Variants in NKAIN2 observed in about 807,000 individuals in gnomAD.
NKAIN2 encodes sodium/potassium-transporting ATPase subunit beta-1-interacting protein 2.
A neutral mutation model predicts 32.6 loss-of-function variants in NKAIN2; 14 were observed. The ratio of observed to expected loss-of-function variants is 0.43; its 90% CI spans 0.28 to 0.67. The LOEUF is 0.67. Ranked by LOEUF, NKAIN2 falls within the 30% of genes least tolerant of loss-of-function variation. The pLI is 0.17. For synonymous variants in NKAIN2, 80 were observed against 87.2 expected, an observed-to-expected ratio of 0.92 and a Z score of 0.46; for missense variants, 198 against 258.3, an observed-to-expected ratio of 0.77 and a Z score of 1.60.
intron 3 of NKAIN2, among the ~76,000 whole-genome samples, chr6:124,484,638 A>T (rs914298614): frequency 6.6e-6 from 1 of 152,202 alleles, no homozygotes; most frequent in Non-Finnish European, 1.5e-5. Context: ...TAAAACCACC[A>T]AGGCAAGATA....
intron 4 of NKAIN2, among the ~76,000 whole-genome samples, chr6:124,694,694 A>G (rs1371563087): frequency 1.3e-5 from 2 of 152,202 alleles, no homozygotes; most frequent in Non-Finnish European, 2.9e-5. Context: ...CACACATTCA[A>G]TGCCATATGG....
chr6:124,445,940 G>A (rs562688578), intron 3 of NKAIN2, among the ~76,000 whole-genome samples: 1 of 152,108 alleles, frequency 6.6e-6, no homozygotes, highest in East Asian at 1.9e-4. Context: ...GTTTTGTAAA[G>A]TTCATCAAAA....
chr6:123,877,714 G>A (rs1773231584), intron 1 of NKAIN2, among the ~76,000 whole-genome samples: 1 of 152,148 alleles, frequency 6.6e-6, no homozygotes, highest in Non-Finnish European at 1.5e-5. Flanking sequence ...AAATGTTGAT[G>A]TTGGGAGTGG....
At chr6:123,899,743 G>C (rs1490847153) in intron 1 of NKAIN2, among the ~76,000 whole-genome samples, 1 of 152,176 alleles carries the variant, frequency 6.6e-6, no homozygotes, top group Non-Finnish European at 1.5e-5. Flanking sequence ...GTCTAGGAGA[G>C]GTGGGGATTG....
At chr6:124,775,369 C>T (rs1327707729) in intron 4 of NKAIN2, among the ~76,000 whole-genome samples, 2 of 152,138 alleles carry the variant, frequency 1.3e-5, no homozygotes, top group African/African-American at 2.4e-5. Context: ...CTCAAAGGAA[C>T]TTCTGTTCGT....
chr6:124,547,580 T>A (rs1208788036), intron 3 of NKAIN2, among the ~76,000 whole-genome samples: 1 of 152,228 alleles, frequency 6.6e-6, no homozygotes, highest in Non-Finnish European at 1.5e-5. Context: ...TTGGAACAGC[T>A]GGAGCCTAAA....
chr6:124,394,570 A>G (rs1773292729), intron 3 of NKAIN2, among the ~76,000 whole-genome samples: 1 of 151,738 alleles, frequency 6.6e-6, no homozygotes, highest in South Asian at 2.1e-4. Context: ...TCATGTAATT[A>G]TAGAGGATAG....
chr6:123,856,066 A>G (rs1775543536), intron 1 of NKAIN2, among the ~76,000 whole-genome samples: 1 of 152,224 alleles, frequency 6.6e-6, no homozygotes, highest in African/African-American at 2.4e-5. Context: ...TGTTGCCTAT[A>G]TCCTTGATTT....
chr6:124,773,040 A>T (rs12216414), intron 4 of NKAIN2, among the ~76,000 whole-genome samples: 3,378 of 152,282 alleles, frequency 0.022, 47 homozygotes, highest in Middle Eastern at 0.037. Flanking sequence ...GACTATTGTT[A>T]CTAAGGCTGA....
intron 4 of NKAIN2, among the ~76,000 whole-genome samples, chr6:124,724,577 G>A (rs1046274025): frequency 6.6e-6 from 1 of 152,134 alleles, no homozygotes; most frequent in Non-Finnish European, 1.5e-5. Flanking sequence ...TCACTATAGT[G>A]TAAAGGAGTA....
chr6:123,845,519 A>G (rs913380986), intron 1 of NKAIN2, among the ~76,000 whole-genome samples: 18 of 152,162 alleles, frequency 1.2e-4, no homozygotes, highest in African/African-American at 4.3e-4. Context: ...CACCTTTCTG[A>G]TTTTTATTAT....
intron 3 of NKAIN2, among the ~76,000 whole-genome samples, chr6:124,369,972 G>A (rs1033077710): frequency 2.9e-5 from 4 of 137,086 alleles, no homozygotes; most frequent in Non-Finnish European, 6.1e-5. Context: ...TACAACTCAA[G>A]GGATATTAAA....
chr6:123,810,785 A>G (rs1453561602), intron 1 of NKAIN2, among the ~76,000 whole-genome samples: 2 of 152,154 alleles, frequency 1.3e-5, no homozygotes, highest in Non-Finnish European at 2.9e-5. Context: ...ATTCATCCAG[A>G]CCACCATTGA....
chr6:123,938,467 C>T (rs1309308128), intron 1 of NKAIN2, among the ~76,000 whole-genome samples: 5 of 115,980 alleles, frequency 4.3e-5, no homozygotes, highest in Admixed American at 1.9e-4. Context: ...CACACACACA[C>T]GCATATTATA....
rs1775350078 is a variant in NKAIN2, at chr6:124,434,418, T to C, written c.273+79071T>C. Among the ~76,000 whole-genome samples, 3 of 152,154 alleles carry C rather than the reference T, an allele frequency of 2.0e-5. No individual in the cohort carries two copies. In the South Asian group the frequency reaches 6.2e-4, roughly 31 times the overall value. ...GAAGTTTAGTATTTAGTATTTATGT[T>C]GTATTCAAAATCATCTGTAGATGAT... On this transcript the variant is annotated intron_variant, in intron 3 of 6. Coordinates refer to ENST00000368417, the MANE Select transcript of NKAIN2 (RefSeq NM_001040214.3).
chr6:124,091,793 A>G (rs1784435176), intron 1 of NKAIN2, among the ~76,000 whole-genome samples: 3 of 151,950 alleles, frequency 2.0e-5, no homozygotes, highest in Non-Finnish European at 4.4e-5. Flanking sequence ...CCTCTTTATC[A>G]TGTGCATTGA....
intron 1 of NKAIN2, among the ~76,000 whole-genome samples, chr6:123,933,139 TCAAAAGCAGAAAAAA>T (rs1776334900): frequency 6.6e-6 from 1 of 152,174 alleles, no homozygotes; most frequent in Non-Finnish European, 1.5e-5. Flanking sequence ...GACCCCTTGT[TCAAAAGCAGAAAAAA>T]GTATCATTAA....
intron 5 of NKAIN2, 142 bp downstream of exon 5, chr6:124,791,541 A>G (rs1241919003): frequency 6.0e-6 from 3 of 498,214 alleles, no homozygotes; most frequent in African/African-American, 5.7e-5. Context: ...CCATCAGACT[A>G]AAGTGTTTCT....
At chr6:124,085,661 G>A (rs890223653) in intron 1 of NKAIN2, among the ~76,000 whole-genome samples, 1 of 151,766 alleles carries the variant, frequency 6.6e-6, no homozygotes. Context: ...TGTACCAAGG[G>A]ACAATTATGT....
Sources: gnomAD v4.1 joint callset for allele counts (sites outside exome capture counted in the v4.1 genomes callset) on GRCh38, gnomAD v4.1.1 for gene constraint, MANE v1.5 for transcripts, NCBI Gene and HGNC (gene_info 2026-07-23, HGNC 2026-07-21) for gene names.